The following PABIR3 variants were observed in gnomAD, a reference collection of about 807,000 sequenced individuals.
PABIR3 encodes PABIR family member 1.
A neutral mutation model predicts 23.1 loss-of-function variants in PABIR3; 20 were observed. That is an observed-to-expected ratio of 0.86 (90% CI 0.61 to 1.26). The LOEUF (loss-of-function observed/expected upper bound fraction) is 1.26, where lower values mean the gene tolerates loss of function less well. PABIR3 is among the 50% of genes most tolerant of loss of function. The probability of loss-of-function intolerance (pLI) is 0.00; values close to 1 mark genes in which losing one functional copy is unlikely to be tolerated. For missense variants in PABIR3, 189 were observed against 195.4 expected, an observed-to-expected ratio of 0.97 and a Z score of 0.20; for synonymous variants, 69 against 68.5, an observed-to-expected ratio of 1.01 and a Z score of -0.04.
chrX:134,819,832 C>A (rs1401387246), intron 3 of PABIR3, among the ~76,000 whole-genome samples: 1 of 111,291 alleles, frequency 9.0e-6, no homozygotes, highest in Non-Finnish European at 1.9e-5. Flanking sequence ...TTGCAGTGAG[C>A]CGAGATCACG....
intron 6 of PABIR3, 67 bp from the exon 7 acceptor site, chrX:134,847,316 G>A (rs2082466490): frequency 3.7e-6 from 3 of 814,515 alleles, no homozygotes. Context: ...CTGTGCAACA[G>A]GTATCTCAAG....
chrX:134,855,022 G>A (rs1373151039), downstream of PABIR3, among the ~76,000 whole-genome samples: 1 of 110,973 alleles, frequency 9.0e-6, no homozygotes, highest in African/African-American at 3.3e-5. Flanking sequence ...GCTTTTCTGC[G>A]AAAATCATGT....
intron 3 of PABIR3, among the ~76,000 whole-genome samples, chrX:134,826,185 G>A (rs113730464): frequency 4.5e-5 from 5 of 110,867 alleles, no homozygotes; most frequent in African/African-American, 1.6e-4. Context: ...CACGCTTTTG[G>A]CCTCAGAGTC....
chrX:134,851,093 C>G lies in PABIR3; in HGVS notation c.590-1707C>G, dbSNP rs7891952. Among the ~76,000 whole-genome samples the G allele has an allele frequency of 6.3e-3, 685 of 109,204 alleles. 9 individuals are homozygous for G. The highest frequency in any genetic ancestry group is 0.022 in the African/African-American group (658 of 29,939). The allele number at this position is 109,204 out of a possible 115,157, so 94.8% of individuals were successfully genotyped here. On this transcript the variant is annotated intron_variant, in intron 9 of 10. Coordinates refer to ENST00000645433, the MANE Select transcript of PABIR3 (RefSeq NM_001388447.1). ...ACAAATGAAATGTGGGAGAAAGGTA[C>G]CATAAAAATAAAAGAGAGGTCCTGA...
At chrX:134,807,745 G>A (rs781523284) in intron 2 of PABIR3, 37 bp downstream of exon 2, 3 of 1,114,721 alleles carry the variant, frequency 2.7e-6, no homozygotes, top group Non-Finnish European at 2.4e-6. Flanking sequence ...GGCAAGCGGT[G>A]GGGAGGAGGT....
chrX:134,813,746 C>T (rs754904386), intron 2 of PABIR3, among the ~76,000 whole-genome samples: 4 of 111,143 alleles, frequency 3.6e-5, no homozygotes, highest in South Asian at 7.4e-4. Context: ...CAATATACAG[C>T]GGGACGACAT....
At chrX:134,815,915 A>G (rs191985356) in intron 3 of PABIR3, among the ~76,000 whole-genome samples, 1 of 111,173 alleles carries the variant, frequency 9.0e-6, no homozygotes, top group Non-Finnish European at 1.9e-5. Flanking sequence ...TCTTGACCTC[A>G]AGTGATCTGC....
At chrX:134,851,817 G>C (rs912715944) in intron 9 of PABIR3, among the ~76,000 whole-genome samples, 7 of 111,682 alleles carry the variant, frequency 6.3e-5, no homozygotes. Flanking sequence ...CACTTCTGTG[G>C]AAGGTCTATG....
At chrX:134,828,034 T>TCG (rs1402106451) in intron 3 of PABIR3, among the ~76,000 whole-genome samples, 3 of 70,826 alleles carry the variant, frequency 4.2e-5, no homozygotes, top group Non-Finnish European at 2.7e-5. Flanking sequence ...TCTCTCTCTC[T>TCG]CTCTCTCTCT....
At chrX:134,845,274 T>C in intron 5 of PABIR3, 26 bp downstream of exon 5, 26 of 1,180,380 alleles carry the variant, frequency 2.2e-5, no homozygotes, top group Non-Finnish European at 3.0e-5. Context: ...TGAATTACTA[T>C]TCTGATAATT....
At chrX:134,862,387 T>G in the PABIR3 span, among the ~76,000 whole-genome samples, 33 of 111,046 alleles carry the variant, frequency 3.0e-4, no homozygotes, top group African/African-American at 9.5e-4. Flanking sequence ...TGACTTCAGG[T>G]GATCTGCCCG....
chrX:134,828,503 G>A (rs2081622288), intron 3 of PABIR3, among the ~76,000 whole-genome samples: 1 of 112,172 alleles, frequency 8.9e-6, no homozygotes, highest in African/African-American at 3.2e-5. Flanking sequence ...TACAGAAAGA[G>A]TTTACAGATG....
intron 2 of PABIR3, chrX:134,810,889 A>G: frequency 6.6e-6 from 5 of 754,073 alleles, no homozygotes; most frequent in Non-Finnish European, 7.8e-6. Flanking sequence ...TAACATAGGA[A>G]TGATGTGTGA....
chrX:134,849,869 CTTTT>C (rs374919785), intron 9 of PABIR3, among the ~76,000 whole-genome samples: 893 of 58,850 alleles, frequency 0.015, 26 homozygotes, highest in African/African-American at 0.065. Flanking sequence ...GCTCTTCTTC[CTTTT>C]TTTTTTTTTT....
chrX:134,864,051 T>G, the PABIR3 span, among the ~76,000 whole-genome samples: 1 of 111,205 alleles, frequency 9.0e-6, no homozygotes, highest in Non-Finnish European at 1.9e-5. Flanking sequence ...TATTTTTATT[T>G]TTATTTTTTA....
intron 4 of PABIR3, among the ~76,000 whole-genome samples, chrX:134,830,725 A>G (rs1175174172): frequency 4.5e-5 from 5 of 111,266 alleles, no homozygotes; most frequent in Admixed American, 1.9e-4. Context: ...AACAAGTTCA[A>G]AGGAGTAAAG....
chrX:134,801,946 A>G (rs930850334), intron 1 of PABIR3, among the ~76,000 whole-genome samples: 2 of 108,516 alleles, frequency 1.8e-5, no homozygotes, highest in East Asian at 5.8e-4. Context: ...GGTTTGTCCC[A>G]TGGTGGGACT....
At chrX:134,851,592 G>A (rs1403327189) in intron 9 of PABIR3, among the ~76,000 whole-genome samples, 1 of 110,826 alleles carries the variant, frequency 9.0e-6, no homozygotes, top group Non-Finnish European at 1.9e-5. Context: ...TCGGAATACT[G>A]CAGAAATTGG....
chrX:134,835,430 C>T (rs2081944434), intron 4 of PABIR3: 2 of 110,958 alleles, frequency 1.8e-5, no homozygotes, highest in Non-Finnish European at 3.8e-5. Context: ...TTTAAATGAA[C>T]ACACAGCTCC....
Sources: gnomAD v4.1 joint callset for allele counts (sites outside exome capture counted in the v4.1 genomes callset) on GRCh38, gnomAD v4.1.1 for gene constraint, MANE v1.5 for transcripts, NCBI Gene and HGNC (gene_info 2026-07-23, HGNC 2026-07-21) for gene names.